The following CSMD1 variants were observed in gnomAD, a reference collection of about 807,000 sequenced individuals.
CSMD1 encodes the protein CUB and sushi domain-containing protein 1.
CSMD1 carries 213 observed loss-of-function variants against 417.5 expected under a neutral mutation model. The observed-to-expected ratio is 0.51, with a 90% CI of 0.46 to 0.57. The LOEUF (loss-of-function observed/expected upper bound fraction) is 0.57, where lower values mean the gene tolerates loss of function less well. Ranked by LOEUF, CSMD1 falls within the 20% of genes least tolerant of loss-of-function variation. CSMD1 has a pLI of 0.00. For synonymous variants in CSMD1, 2,862 were observed against 1,736.8 expected (o/e 1.65, Z -16.11); for missense variants, 6,923 against 4,529.7 (o/e 1.53, Z -15.17).
At chr8:4,001,406 G>A (rs565719940) in intron 4 of CSMD1, among the ~76,000 whole-genome samples, 1 of 152,272 alleles carries the variant, frequency 6.6e-6, no homozygotes, top group South Asian at 2.1e-4. Context: ...CCTGCAGAAG[G>A]TGTCTAGGGA....
At chr8:4,305,914 C>T (rs909125896) in intron 3 of CSMD1, among the ~76,000 whole-genome samples, 1 of 152,088 alleles carries the variant, frequency 6.6e-6, no homozygotes, top group East Asian at 1.9e-4. Context: ...GAATGTTTAC[C>T]ATTCTATAAC....
chr8:4,023,520 C>A (rs963551392), intron 4 of CSMD1, among the ~76,000 whole-genome samples: 1 of 151,736 alleles, frequency 6.6e-6, no homozygotes, highest in Non-Finnish European at 1.5e-5. Context: ...CAGGCATACG[C>A]TTGGCTCTGT....
At chr8:4,477,011 G>A (rs1016025361) in intron 2 of CSMD1, among the ~76,000 whole-genome samples, 2 of 152,214 alleles carry the variant, frequency 1.3e-5, no homozygotes, top group African/African-American at 4.8e-5. Context: ...ACAGGTGGCT[G>A]TGGTTACAGG....
intron 30 of CSMD1, among the ~76,000 whole-genome samples, chr8:3,212,417 C>T (rs774639561): frequency 2.6e-5 from 4 of 152,114 alleles, no homozygotes; most frequent in Admixed American, 1.3e-4. Flanking sequence ...GGAGCAATCT[C>T]GGCTCACTGA....
chr8:4,374,975 G>A (rs1159103103), intron 3 of CSMD1, among the ~76,000 whole-genome samples: 1 of 111,110 alleles, frequency 9.0e-6, no homozygotes, highest in African/African-American at 3.1e-5. Flanking sequence ...GGGGGGGGGC[G>A]ATAGTGGGGG....
chr8:4,112,834 T>C (rs923827649), intron 3 of CSMD1, among the ~76,000 whole-genome samples: 1 of 152,204 alleles, frequency 6.6e-6, no homozygotes, highest in Non-Finnish European at 1.5e-5. Context: ...CTTCACTGTA[T>C]TGCACTTTGC....
intron 3 of CSMD1, among the ~76,000 whole-genome samples, chr8:4,418,077 A>G (rs1008197031): frequency 6.6e-6 from 1 of 152,078 alleles, no homozygotes; most frequent in East Asian, 1.9e-4. Flanking sequence ...AAACACACAC[A>G]TACTAAATAC....
intron 6 of CSMD1, among the ~76,000 whole-genome samples, chr8:3,752,780 G>C (rs1178590294): frequency 9.2e-5 from 14 of 151,902 alleles, no homozygotes; most frequent in Non-Finnish European, 1.6e-4. Context: ...CCCAGGGACT[G>C]GGTGGCAAAT....
At chr8:4,161,193 C>T (rs1797137948) in intron 3 of CSMD1, among the ~76,000 whole-genome samples, 1 of 152,064 alleles carries the variant, frequency 6.6e-6, no homozygotes, top group African/African-American at 2.4e-5. Context: ...TGTGCTACTT[C>T]CTATCTCATT....
intron 1 of CSMD1, among the ~76,000 whole-genome samples, chr8:4,915,425 C>T (rs1035692870): frequency 1.3e-5 from 2 of 152,150 alleles, no homozygotes; most frequent in Non-Finnish European, 2.9e-5. Context: ...ACTGTGTTGT[C>T]GAGTATAGAT....
At chr8:4,172,432 G>C (rs940821410) in intron 3 of CSMD1, among the ~76,000 whole-genome samples, 7 of 152,038 alleles carry the variant, frequency 4.6e-5, no homozygotes, top group Admixed American at 1.3e-4. Context: ...ACACAGCATA[G>C]TCTAGGTTTC....
intron 3 of CSMD1, among the ~76,000 whole-genome samples, chr8:4,244,384 T>G (rs1447715878): frequency 6.6e-6 from 1 of 152,216 alleles, no homozygotes; most frequent in Non-Finnish European, 1.5e-5. Context: ...AACGGATGTT[T>G]TTATGTTAAT....
intron 2 of CSMD1, among the ~76,000 whole-genome samples, chr8:4,572,273 T>C (rs532344647): frequency 2.6e-5 from 4 of 152,326 alleles, no homozygotes; most frequent in African/African-American, 7.2e-5. Context: ...CCTTTCCATA[T>C]TTAGTGCTTC....
chr8:4,795,820 G>A (rs1256980058), intron 1 of CSMD1, among the ~76,000 whole-genome samples: 1 of 152,078 alleles, frequency 6.6e-6, no homozygotes, highest in Non-Finnish European at 1.5e-5. Context: ...GTACTGTACT[G>A]AGGCAGCCCT....
In CSMD1 at chr8:4,019,914, TAAAA is replaced by T. The variant is rs144493389; in HGVS notation, c.610+11987_610+11990del. Among the ~76,000 whole-genome samples the T allele has an allele frequency of 2.7e-3, 384 of 144,268 alleles. 2 individuals carry two copies. Among genetic ancestry groups the T allele is most frequent in the East Asian group, 8.9e-3 (44 of 4,928 alleles). 94.6% of individuals were successfully genotyped at this position (144,268 alleles called of 152,430 possible). On this transcript the variant is annotated intron_variant, in intron 4 of 69. Coordinates refer to ENST00000635120, the MANE Select transcript of CSMD1 (RefSeq NM_033225.6). ...ATTCTAAAGAATAGCAGTAATTCAT[TAAAA>T]AAAAAAAAAAAAACCCTTTTTTTTA...
At chr8:4,510,550 C>A (rs968562325) in intron 2 of CSMD1, among the ~76,000 whole-genome samples, 20 of 150,536 alleles carry the variant, frequency 1.3e-4, no homozygotes, top group African/African-American at 4.7e-4. Context: ...AAGCAATCTT[C>A]CCTTCCCTCT....
intron 8 of CSMD1, among the ~76,000 whole-genome samples, chr8:3,597,955 T>C (rs1311053425): frequency 6.6e-6 from 1 of 152,230 alleles, no homozygotes; most frequent in African/African-American, 2.4e-5. Flanking sequence ...CTGCACGTTG[T>C]GCACATGTAC....
chr8:4,854,117 T>C (rs1801647515), intron 1 of CSMD1, among the ~76,000 whole-genome samples: 2 of 152,178 alleles, frequency 1.3e-5, no homozygotes, highest in African/African-American at 2.4e-5. Context: ...ACTTTTGAGT[T>C]AATGCAGAAG....
chr8:4,815,618 C>T (rs922211487), intron 1 of CSMD1, among the ~76,000 whole-genome samples: 11 of 148,290 alleles, frequency 7.4e-5, no homozygotes, highest in Non-Finnish European at 1.5e-4. Context: ...AGCGCTTGAA[C>T]CCAGGAGATG....
Sources: allele counts gnomAD v4.1 joint callset (sites outside exome capture counted in the v4.1 genomes callset), GRCh38; gene constraint gnomAD v4.1.1; transcripts MANE v1.5; gene names NCBI Gene and HGNC (gene_info 2026-07-23, HGNC 2026-07-21).